Variants in ARHGAP26 observed in about 807,000 individuals in gnomAD.
ARHGAP26 encodes the protein rho GTPase-activating protein 26.
Under a neutral mutation model 104.8 loss-of-function variants are expected in ARHGAP26, and 38 were observed. That is an observed-to-expected ratio of 0.36 (90% CI 0.28 to 0.48). ARHGAP26 has a LOEUF of 0.48. ARHGAP26 is among the 20% of genes least tolerant of loss of function. ARHGAP26 has a pLI of 0.99. For synonymous variants in ARHGAP26, 341 were observed against 340.0 expected (o/e 1.00, Z -0.03); for missense variants, 704 against 947.9 (o/e 0.74, Z 3.38).
At chr5:143,063,236 T>G (rs1243504893) in intron 17 of ARHGAP26, among the ~76,000 whole-genome samples, 4 of 152,150 alleles carry the variant, frequency 2.6e-5, no homozygotes, top group African/African-American at 9.7e-5. Context: ...TTCTATCTCT[T>G]GAATCTGTCT....
intron 1 of ARHGAP26, among the ~76,000 whole-genome samples, chr5:142,847,628 A>T (rs1772286798): frequency 6.6e-6 from 1 of 152,186 alleles, no homozygotes; most frequent in Non-Finnish European, 1.5e-5. Flanking sequence ...AAGTGCTGGG[A>T]TTATAGGCGT....
intron 11 of ARHGAP26, among the ~76,000 whole-genome samples, chr5:142,992,706 A>G (rs545810111): frequency 1.5e-3 from 231 of 152,222 alleles, no homozygotes; most frequent in Admixed American, 4.1e-3. Context: ...CATTACAGGC[A>G]TGAGTCACCA....
intron 17 of ARHGAP26, among the ~76,000 whole-genome samples, chr5:143,117,892 C>T (rs1312367744): frequency 6.6e-6 from 1 of 152,226 alleles, no homozygotes; most frequent in Non-Finnish European, 1.5e-5. Context: ...AAACTCTCCT[C>T]ATCTTTTATT....
At chr5:143,011,529 G>T (rs1255509098) in intron 11 of ARHGAP26, among the ~76,000 whole-genome samples, 1 of 152,048 alleles carries the variant, frequency 6.6e-6, no homozygotes, top group Non-Finnish European at 1.5e-5. Context: ...TAAACGAATT[G>T]CAAGCAACAT....
chr5:143,022,362 T>C (rs1368869989), intron 12 of ARHGAP26, among the ~76,000 whole-genome samples: 1 of 152,242 alleles, frequency 6.6e-6, no homozygotes, highest in African/African-American at 2.4e-5. Flanking sequence ...CATGAGCCAC[T>C]GCGCCTGGCC....
At chr5:142,788,544 T>A (rs1301339202) in intron 1 of ARHGAP26, among the ~76,000 whole-genome samples, 1 of 152,224 alleles carries the variant, frequency 6.6e-6, no homozygotes, top group Non-Finnish European at 1.5e-5. Flanking sequence ...CAACCACAGA[T>A]CAAGAATATT....
rs1335174494 is a variant in ARHGAP26, at chr5:142,875,186, G to GC, written c.312+16dup. 1 of 1,613,114 alleles carries GC rather than the reference G, an allele frequency of 6.2e-7. No individual in the cohort carries two copies. Among genetic ancestry groups the GC allele is most frequent in the Admixed American group, 1.7e-5 (1 of 60,016 alleles). Reference sequence around the variant, plus strand: ...GGATACGGATGGTGAGTAGGGCTGGGCTACTCTTGGTCCCAGATAGTATAT... The same window carrying GC: ...GGATACGGATGGTGAGTAGGGCTGGGCCTACTCTTGGTCCCAGATAGTATAT... On this transcript the variant is annotated intron_variant, in intron 3 of 22. Coordinates refer to ENST00000645722, the MANE Select transcript of ARHGAP26 (RefSeq NM_001135608.3).
intron 20 of ARHGAP26, among the ~76,000 whole-genome samples, chr5:143,198,563 G>A (rs1275571206): frequency 6.6e-6 from 1 of 152,148 alleles, no homozygotes; most frequent in Non-Finnish European, 1.5e-5. Flanking sequence ...TCTGTACAAT[G>A]AGCAATTGAA....
chr5:143,029,136 A>G (rs1006851741), intron 12 of ARHGAP26, among the ~76,000 whole-genome samples: 7 of 152,180 alleles, frequency 4.6e-5, no homozygotes, highest in Non-Finnish European at 1.0e-4. Flanking sequence ...TGTGTGTGTG[A>G]AAATTGGAAA....
At chr5:143,191,109 G>A (rs1805863467) in intron 20 of ARHGAP26, among the ~76,000 whole-genome samples, 1 of 152,212 alleles carries the variant, frequency 6.6e-6, no homozygotes, top group South Asian at 2.1e-4. Flanking sequence ...GAATATGGAT[G>A]ATGCTTGCAC....
At chr5:143,140,679 C>T (rs1178842282) in intron 19 of ARHGAP26, among the ~76,000 whole-genome samples, 2 of 151,950 alleles carry the variant, frequency 1.3e-5, no homozygotes, top group Non-Finnish European at 2.9e-5. Flanking sequence ...GCCCCTGAGA[C>T]AGCCTGTCTG....
At chr5:142,875,200 C>T (rs765897153) in intron 3 of ARHGAP26, 29 bp downstream of exon 3, 1 of 1,608,802 alleles carries the variant, frequency 6.2e-7, no homozygotes, top group Admixed American at 1.7e-5. Flanking sequence ...CTCTTGGTCC[C>T]AGATAGTATA....
intron 20 of ARHGAP26, among the ~76,000 whole-genome samples, chr5:143,163,416 G>C (rs1266323615): frequency 6.6e-6 from 1 of 151,214 alleles, no homozygotes. Context: ...CTGTGAGTTG[G>C]GTAGAAGGAG....
chr5:143,174,595 C>T (rs1265359968), intron 20 of ARHGAP26, among the ~76,000 whole-genome samples: 1 of 152,100 alleles, frequency 6.6e-6, no homozygotes, highest in Non-Finnish European at 1.5e-5. Context: ...CCATTCCAAG[C>T]AATAGATTAA....
chr5:142,929,002 A>G (rs928167217), intron 10 of ARHGAP26, among the ~76,000 whole-genome samples: 2 of 152,276 alleles, frequency 1.3e-5, no homozygotes, highest in South Asian at 2.1e-4. Context: ...CAGTGGCATG[A>G]TCTTGGCTCA....
At chr5:142,973,349 C>A (rs1218286999) in intron 11 of ARHGAP26, among the ~76,000 whole-genome samples, 8 of 152,186 alleles carry the variant, frequency 5.3e-5, no homozygotes. Flanking sequence ...AAGAAAAGCA[C>A]TGTGACAGTA....
intron 1 of ARHGAP26, among the ~76,000 whole-genome samples, chr5:142,809,974 A>G (rs1267650505): frequency 6.6e-6 from 1 of 152,114 alleles, no homozygotes; most frequent in African/African-American, 2.4e-5. Context: ...ACCTTTCTAC[A>G]GCTGTGGATA....
chr5:143,081,005 A>G (rs896398239), intron 17 of ARHGAP26, among the ~76,000 whole-genome samples: 7 of 152,138 alleles, frequency 4.6e-5, no homozygotes, highest in African/African-American at 1.7e-4. Flanking sequence ...TAGATGTGAT[A>G]TGTGTAGGGA....
intron 21 of ARHGAP26, among the ~76,000 whole-genome samples, chr5:143,211,742 AT>A: frequency 6.6e-6 from 1 of 151,120 alleles, no homozygotes; most frequent in Admixed American, 6.6e-5. Flanking sequence ...AATTTTTTTT[AT>A]TTTTTTGTAG....
Sources: allele counts gnomAD v4.1 joint callset (sites outside exome capture counted in the v4.1 genomes callset), GRCh38; gene constraint gnomAD v4.1.1; transcripts MANE v1.5; gene names NCBI Gene and HGNC (gene_info 2026-07-23, HGNC 2026-07-21).